Variants in TRIP12 observed in about 807,000 individuals in gnomAD.
TRIP12 encodes the protein E3 ubiquitin-protein ligase TRIP12.
A neutral mutation model predicts 244.2 loss-of-function variants in TRIP12; 25 were observed. That is an observed-to-expected ratio of 0.10 (90% CI 0.07 to 0.14). TRIP12 has a LOEUF of 0.14. Ranked by LOEUF, TRIP12 falls within the 10% of genes least tolerant of loss-of-function variation. The pLI is 1.00. For synonymous variants in TRIP12, 905 were observed against 873.1 expected (o/e 1.04, Z -0.64); for missense variants, 1,677 against 2,486.4 (o/e 0.67, Z 6.92).
At chr2:229,769,129 C>A in intron 40 of TRIP12, 102 bp downstream of exon 40, 1 of 976,298 alleles carries the variant, frequency 1.0e-6, no homozygotes, top group Non-Finnish European at 1.5e-6. Context: ...ATGAACCACT[C>A]CAACTTTTGT....
intron 1 of TRIP12, among the ~76,000 whole-genome samples, chr2:229,885,602 C>A (rs932361149): frequency 3.3e-5 from 5 of 152,190 alleles, no homozygotes; most frequent in Admixed American, 2.0e-4. Context: ...TAAACCACTA[C>A]AATAAAACAA....
chr2:229,885,916 T>G (rs746295496), intron 1 of TRIP12, among the ~76,000 whole-genome samples: 6 of 151,974 alleles, frequency 3.9e-5, no homozygotes, highest in Non-Finnish European at 7.4e-5. Context: ...ATATTATACT[T>G]TGGGATTTAA....
Position 229,874,699 on chromosome 2 carries a change from G to A in TRIP12, c.98+5283C>T, listed in dbSNP as rs142542605. ...TGAAAAAAACAAAAAGAAGCTACAC[G>A]TATAGAAAAGACTGTAAGAACATAG... On this transcript the variant is annotated intron_variant, in intron 2 of 41. Transcript: ENST00000675903. 1.3e-4 allele frequency among the ~76,000 whole-genome samples: 20 copies of A among 152,054 alleles called. No homozygotes were observed. In the East Asian group the frequency reaches 1.5e-3, roughly 12 times the overall value.
intron 6 of TRIP12, among the ~76,000 whole-genome samples, chr2:229,835,334 C>T (rs1054830409): frequency 2.0e-5 from 3 of 152,184 alleles, no homozygotes; most frequent in Admixed American, 6.5e-5. Context: ...GAAAGGCAGT[C>T]GGATGAGCCT....
chr2:229,856,303 A>G (rs1332732197), intron 4 of TRIP12, among the ~76,000 whole-genome samples: 2 of 152,194 alleles, frequency 1.3e-5, no homozygotes, highest in Non-Finnish European at 2.9e-5. Flanking sequence ...ATACTAAATT[A>G]GTTTGTGACT....
chr2:229,907,678 T>G (rs981431105), intron 1 of TRIP12, among the ~76,000 whole-genome samples: 1 of 152,126 alleles, frequency 6.6e-6, no homozygotes, highest in African/African-American at 2.4e-5. Context: ...GTGGCACATG[T>G]CTGCAGTCTT....
intron 17 of TRIP12, among the ~76,000 whole-genome samples, chr2:229,806,421 A>C (rs979989514): frequency 6.6e-6 from 1 of 152,240 alleles, no homozygotes; most frequent in African/African-American, 2.4e-5. Flanking sequence ...TATACAGAAC[A>C]TATTTAAATT....
At chr2:229,831,828 A>C (rs1219479041) in intron 6 of TRIP12, among the ~76,000 whole-genome samples, 1 of 151,164 alleles carries the variant, frequency 6.6e-6, no homozygotes, top group Non-Finnish European at 1.5e-5. Flanking sequence ...CAAAACTAGC[A>C]GTTAATTGTG....
chr2:229,884,998 C>T (rs962029158), intron 1 of TRIP12, among the ~76,000 whole-genome samples: 1 of 152,156 alleles, frequency 6.6e-6, no homozygotes, highest in Non-Finnish European at 1.5e-5. Flanking sequence ...AATACAGCCA[C>T]ATATTGCACT....
At chr2:229,830,343 AT>A (rs1257407373) in intron 7 of TRIP12, among the ~76,000 whole-genome samples, 3 of 152,242 alleles carry the variant, frequency 2.0e-5, no homozygotes, top group African/African-American at 7.2e-5. Flanking sequence ...GCAGTAGGAT[AT>A]AAATAACTCC....
At chr2:229,777,510 G>C (rs776840704) in intron 36 of TRIP12, 31 bp from the exon 37 acceptor site, 7 of 1,610,232 alleles carry the variant, frequency 4.3e-6, no homozygotes, top group Non-Finnish European at 5.9e-6. Context: ...TATTTTCACT[G>C]TCACACTGAA....
At chr2:229,791,066 T>C (rs2041405710) in intron 30 of TRIP12, 58 bp downstream of exon 30, 3 of 1,596,946 alleles carry the variant, frequency 1.9e-6, no homozygotes. Flanking sequence ...TTGAAAATCA[T>C]GAAAATGGGA....
At chr2:229,904,103 T>C (rs573139044) in intron 1 of TRIP12, among the ~76,000 whole-genome samples, 3 of 152,154 alleles carry the variant, frequency 2.0e-5, no homozygotes, top group Admixed American at 6.5e-5. Flanking sequence ...AGTACAAAGC[T>C]AGCATTTTTA....
In TRIP12 at chr2:229,788,801, G is replaced by A. The variant is rs528931854; in HGVS notation, c.4835C>T (p.Thr1612Ile). The part of the protein sequence containing the change: ...IPTWLTELGK[T>I]CPFFFPFDTR... Reference sequence around the variant, plus strand: ...ATTACAGAAGTGATTGTCTTACCAGGTTTTTCCTAGCTCAGTAAGCCATGT... The same window carrying A: ...ATTACAGAAGTGATTGTCTTACCAGATTTTTCCTAGCTCAGTAAGCCATGT... Residue 1612 changes from threonine to isoleucine, a missense_variant, in exon 32 of 42, where the codon ACC (threonine) becomes ATC (isoleucine). By Grantham distance (89) the Thr-to-Ile change is moderately conservative. Around this residue, in one of 11 missense-constraint regions of TRIP12, gnomAD observed 265 missense variants for 370.8 expected, o/e 0.71. Coordinates refer to ENST00000675903, the MANE Select transcript of TRIP12 (RefSeq NM_001348323.3). The A allele has an allele frequency of 5.2e-5, 84 of 1,612,390 alleles. No homozygotes were observed. The South Asian group carries it at 9.1e-4, about 17-fold the overall frequency.
intron 27 of TRIP12, among the ~76,000 whole-genome samples, chr2:229,792,612 A>G (rs1176894076): frequency 6.6e-6 from 1 of 152,100 alleles, no homozygotes; most frequent in Non-Finnish European, 1.5e-5. Context: ...GGCAACAATC[A>G]AAGTTTCAGA....
At chr2:229,852,616 T>G (rs938654098) in intron 4 of TRIP12, among the ~76,000 whole-genome samples, 9 of 152,184 alleles carry the variant, frequency 5.9e-5, no homozygotes, top group African/African-American at 1.9e-4. Flanking sequence ...CAATTTTCTT[T>G]CTGGGGTACT....
intron 1 of TRIP12, 58 bp from the exon 2 acceptor site, chr2:229,880,186 G>A: frequency 9.5e-7 from 1 of 1,049,602 alleles, no homozygotes; most frequent in Non-Finnish European, 1.4e-6. Context: ...ATATGGAAAA[G>A]AAATGAGGGG....
chr2:229,903,001 T>C (rs2071445476), intron 1 of TRIP12, among the ~76,000 whole-genome samples: 1 of 42,282 alleles, frequency 2.4e-5, no homozygotes, highest in Non-Finnish European at 3.9e-5. Context: ...CGGGTTTTTT[T>C]TTCTTTTTCT....
intron 6 of TRIP12, chr2:229,831,055 T>A: frequency 2.9e-6 from 2 of 697,428 alleles, no homozygotes. Context: ...AAGGTTGTAT[T>A]TTTATGCTTG....
Sources: allele counts gnomAD v4.1 joint callset (sites outside exome capture counted in the v4.1 genomes callset), GRCh38; gene constraint gnomAD v4.1.1; regional missense constraint gnomAD v4.1.1; transcripts MANE v1.5; gene names NCBI Gene and HGNC (gene_info 2026-07-23, HGNC 2026-07-21).